Variants in RPGRIP1 observed in about 807,000 individuals in gnomAD.
RPGRIP1 encodes RPGR interacting protein 1.
RPGRIP1 carries 128 observed loss-of-function variants against 157.9 expected under a neutral mutation model. The observed-to-expected ratio is 0.81, with a 90% CI of 0.70 to 0.94. RPGRIP1 has a LOEUF of 0.94. Ranked by LOEUF, RPGRIP1 falls within the 40% of genes least tolerant of loss-of-function variation. RPGRIP1 has a pLI of 0.00. For missense variants in RPGRIP1, 1,486 were observed against 1,545.8 expected (o/e 0.96, Z 0.65); for synonymous variants, 554 against 571.6 (o/e 0.97, Z 0.44).
At position 21,303,314 on chromosome 14, in the gene RPGRIP1, A is replaced by G. The variant is rs772322705; in HGVS notation, c.588-17A>G. 2.0e-5 allele frequency: 32 copies of G among 1,582,208 alleles called. No individual in the cohort carries two copies. The South Asian group carries it at 3.3e-4, about 16-fold the overall frequency. ...ACTCCTGTAACAACAGTTTCTAAGT[A>G]TCCTTTTTGTATTTAGTGTTTCTGG... On this transcript the variant is annotated splice_polypyrimidine_tract_variant and intron_variant, in intron 5 of 24. Coordinates refer to ENST00000400017, the MANE Select transcript of RPGRIP1 (RefSeq NM_020366.4).
chr14:21,348,618 G>A (rs924551410), intron 24 of RPGRIP1, among the ~76,000 whole-genome samples: 14 of 150,646 alleles, frequency 9.3e-5, no homozygotes, highest in Admixed American at 1.3e-4. Flanking sequence ...GAGCATTTTC[G>A]TATAGGCAGC....
intron 6 of RPGRIP1, among the ~76,000 whole-genome samples, chr14:21,304,587 T>C (rs185384398): frequency 1.3e-5 from 2 of 152,196 alleles, no homozygotes; most frequent in African/African-American, 4.8e-5. Flanking sequence ...TTTTTAAAAA[T>C]GTATTTTTCA....
At chr14:21,287,335 G>A (rs1880336312) in intron 1 of RPGRIP1, among the ~76,000 whole-genome samples, 1 of 152,194 alleles carries the variant, frequency 6.6e-6, no homozygotes, top group African/African-American at 2.4e-5. Flanking sequence ...AGAGTATGAG[G>A]CAACTCTATA....
In RPGRIP1 at chr14:21,330,256, A is replaced by C. The variant is rs2139263302; in HGVS notation, c.3107A>C (p.Asn1036Thr). 1.3e-6 allele frequency: 2 copies of C among 1,560,928 alleles called. No homozygotes were observed. ...ILNGNTPEQV[N>T]YTEWKFSETN... is the part of the protein sequence containing the mutation. Reference sequence around the variant, plus strand: ...GTTGTTCTTATTCTGAAGCAGGTGAATTACACTGAGTGGAAGTTCTCAGAG... The same window carrying C: ...GTTGTTCTTATTCTGAAGCAGGTGACTTACACTGAGTGGAAGTTCTCAGAG... Residue 1036 changes from asparagine to threonine, a missense_variant, in exon 20 of 25, where the codon AAT (asparagine) becomes ACT (threonine). Coordinates refer to ENST00000400017, the MANE Select transcript of RPGRIP1 (RefSeq NM_020366.4).
At chr14:21,281,714 A>G (rs917842677) in intron 1 of RPGRIP1, among the ~76,000 whole-genome samples, 1 of 145,394 alleles carries the variant, frequency 6.9e-6, no homozygotes, top group African/African-American at 2.5e-5. Context: ...AAATAATAAT[A>G]ATAATAATAA....
At chr14:21,295,633 G>A (rs139631448) in intron 3 of RPGRIP1, among the ~76,000 whole-genome samples, 57 of 150,634 alleles carry the variant, frequency 3.8e-4, no homozygotes, top group African/African-American at 1.2e-3. Flanking sequence ...ATAGGCATGC[G>A]CCACCACACT....
chr14:21,336,496 C>T (rs1489172757), intron 21 of RPGRIP1, among the ~76,000 whole-genome samples: 1 of 152,196 alleles, frequency 6.6e-6, no homozygotes, highest in East Asian at 1.9e-4. Flanking sequence ...GATCTTGCCA[C>T]TGCACTCTAG....
Position 21,312,467 on chromosome 14 carries a change from G to C in RPGRIP1, c.1112G>C (p.Arg371Pro). The C allele has an allele frequency of 6.2e-7, 1 of 1,611,684 alleles. No individual in the cohort carries two copies. Among genetic ancestry groups the C allele is most frequent in the East Asian group, 2.2e-5 (1 of 44,816 alleles). The change falls in exon 10 of 25, where the codon CGA becomes CCA. Residue 371 changes from arginine to proline, a missense_variant. Coordinates refer to ENST00000400017, the MANE Select transcript of RPGRIP1 (RefSeq NM_020366.4). ...QERVEDLEKE[R>P]KLLNDNYDKL... ...AGAGTTGAAGATTTGGAAAAAGAAC[G>C]AAAATTGCTGAATGACAATTATGAC...
chr14:21,283,069 T>G (rs1938358813), intron 1 of RPGRIP1, among the ~76,000 whole-genome samples: 1 of 152,204 alleles, frequency 6.6e-6, no homozygotes, highest in Non-Finnish European at 1.5e-5. Context: ...TACTTTTCAA[T>G]TGCTCCATAG....
intron 6 of RPGRIP1, among the ~76,000 whole-genome samples, chr14:21,306,786 T>C (rs955493819): frequency 4.7e-5 from 7 of 150,096 alleles, no homozygotes; most frequent in Non-Finnish European, 1.0e-4. Context: ...TTATTATCAT[T>C]ATTTTTTGAG....
At chr14:21,283,581 A>G (rs929488578) in intron 1 of RPGRIP1, among the ~76,000 whole-genome samples, 13 of 151,276 alleles carry the variant, frequency 8.6e-5, no homozygotes, top group South Asian at 2.1e-4. Context: ...GATTACAGGC[A>G]TGAGCCACTG....
At chr14:21,338,959 T>C (rs1292925974) in intron 21 of RPGRIP1, among the ~76,000 whole-genome samples, 1 of 151,378 alleles carries the variant, frequency 6.6e-6, no homozygotes, top group East Asian at 1.9e-4. Flanking sequence ...GCCAACATGG[T>C]GAAACCCTGT....
rs2139229051 is a variant in RPGRIP1, at chr14:21,324,962, A to G, written c.2107A>G (p.Ile703Val). The G allele has an allele frequency of 8.1e-6, 13 of 1,614,026 alleles. No individual in the cohort carries two copies. The highest frequency in any genetic ancestry group is 1.1e-5 in the South Asian group (1 of 91,088). ...TCAAGAGGCTTCAGCCCGGCTTGAC[A>G]TACACCAGGCCATGGCCAGTGAACA... ...YLQEASARLD[I>V]HQAMASEHST... Residue 703 changes from isoleucine (I) to valine (V), a missense_variant, in exon 15 of 25, where the codon ATA (isoleucine) becomes GTA (valine). Transcript: ENST00000400017.
chr14:21,346,513 C>A (rs1366613430), intron 23 of RPGRIP1, among the ~76,000 whole-genome samples: 1 of 152,134 alleles, frequency 6.6e-6, no homozygotes, highest in Admixed American at 6.5e-5. Flanking sequence ...GATTGTGCCA[C>A]TGCACTCCAA....
intron 3 of RPGRIP1, among the ~76,000 whole-genome samples, chr14:21,295,665 G>A (rs8007938): frequency 0.49 from 74,191 of 151,238 alleles, 18,396 homozygotes; most frequent in South Asian, 0.57. Context: ...TAGTATAGAC[G>A]GGGTTTCTCC....
At chr14:21,339,948 T>G (rs1436452925) in intron 21 of RPGRIP1, among the ~76,000 whole-genome samples, 1 of 152,158 alleles carries the variant, frequency 6.6e-6, no homozygotes. Flanking sequence ...CTAAGTACTA[T>G]GAAGGAAATA....
At chr14:21,300,882 C>A in intron 3 of RPGRIP1, 84 bp from the exon 4 acceptor site, 1 of 1,455,542 alleles carries the variant, frequency 6.9e-7, no homozygotes, top group Non-Finnish European at 9.4e-7. Context: ...TATTATAGAT[C>A]AATTCGTGAT....
chr14:21,330,041 C>A (rs1031688534), intron 19 of RPGRIP1, among the ~76,000 whole-genome samples: 1 of 151,132 alleles, frequency 6.6e-6, no homozygotes, highest in African/African-American at 2.4e-5. Flanking sequence ...TTGCTTGAAC[C>A]CAGGAGGCGA....
chr14:21,304,423 GA>G (rs1491153528), intron 6 of RPGRIP1, among the ~76,000 whole-genome samples: 3 of 150,600 alleles, frequency 2.0e-5, no homozygotes, highest in South Asian at 2.1e-4. Context: ...AAGAAAGAAA[GA>G]AAGAAAGAAA....
Sources: gnomAD v4.1 joint callset for allele counts (sites outside exome capture counted in the v4.1 genomes callset) on GRCh38, gnomAD v4.1.1 for gene constraint, MANE v1.5 for transcripts, NCBI Gene and HGNC (gene_info 2026-07-23, HGNC 2026-07-21) for gene names.